The following TBC1D31 variants were observed in gnomAD, a reference collection of about 807,000 sequenced individuals.
The protein encoded by TBC1D31 is TBC1 domain family member 31, also known as WD repeat domain 67.
A neutral mutation model predicts 132.9 loss-of-function variants in TBC1D31; 99 were observed. The observed-to-expected ratio is 0.74, with a 90% CI of 0.63 to 0.88. The LOEUF is 0.88. Among genes scored for constraint, TBC1D31 ranks in the 40% least tolerant of loss-of-function variants. The pLI is 0.00. For synonymous variants in TBC1D31, 385 were observed against 419.4 expected (o/e 0.92, Z 1.00); for missense variants, 1,134 against 1,256.6 (o/e 0.90, Z 1.48).
chr8:123,153,167 C>A (rs1822898577), downstream of TBC1D31, among the ~76,000 whole-genome samples: 1 of 152,094 alleles, frequency 6.6e-6, no homozygotes, highest in African/African-American at 2.4e-5. Flanking sequence ...TGTTTTTTGA[C>A]AACAGGAATC....
Position 123,087,753 on chromosome 8 carries a change from TAAA to T in TBC1D31, c.519+3416_519+3418del, listed in dbSNP as rs373362964. On this transcript the variant is annotated intron_variant, in intron 4 of 21. Transcript: ENST00000287380. ...GCTTGGACATTTAGACATTTTAGTT[TAAA>T]AATTAGGACTGTGGAAAATGTATGT... is the stretch of plus-strand genomic sequence containing the variant. 7.1e-3 allele frequency among the ~76,000 whole-genome samples: 1,082 copies of T among 152,352 alleles called. 11 individuals are homozygous for T. The highest frequency in any genetic ancestry group is 0.024 in the African/African-American group (1,015 of 41,592).
chr8:123,127,404 G>A (rs1236983415), intron 13 of TBC1D31, among the ~76,000 whole-genome samples: 1 of 151,062 alleles, frequency 6.6e-6, no homozygotes, highest in East Asian at 1.9e-4. Flanking sequence ...CCGAGTAGCT[G>A]GGATTACAGG....
At chr8:123,115,621 C>T (rs1818843608) in intron 10 of TBC1D31, among the ~76,000 whole-genome samples, 1 of 152,198 alleles carries the variant, frequency 6.6e-6, no homozygotes, top group Non-Finnish European at 1.5e-5. Context: ...ATCAGAGTGT[C>T]AGCAGGGCCA....
At chr8:123,073,526 T>C in intron 1 of TBC1D31, 1 of 390,428 alleles carries the variant, frequency 2.6e-6, no homozygotes, top group Non-Finnish European at 5.1e-6. Flanking sequence ...CCTGTCCTGT[T>C]TGAGGCTCAG....
the TBC1D31 span, among the ~76,000 whole-genome samples, chr8:123,161,610 G>A: frequency 6.6e-6 from 1 of 152,048 alleles, no homozygotes; most frequent in African/African-American, 2.4e-5. Context: ...CTCTCATAAT[G>A]TTAAGTTGAT....
chr8:123,141,811 C>T (rs1460701105), intron 18 of TBC1D31, among the ~76,000 whole-genome samples: 4 of 146,174 alleles, frequency 2.7e-5, no homozygotes, highest in African/African-American at 1.0e-4. Flanking sequence ...AAGTTCTTAA[C>T]CTTGGCTGTA....
At chr8:123,072,885 A>C (rs1032465209) in intron 1 of TBC1D31, 39 bp downstream of exon 1, 1 of 1,541,694 alleles carries the variant, frequency 6.5e-7, no homozygotes, top group Non-Finnish European at 8.8e-7. Context: ...TGTGGAGGGG[A>C]TGGAGACCGG....
intron 4 of TBC1D31, among the ~76,000 whole-genome samples, chr8:123,092,685 T>C (rs1816444297): frequency 6.6e-6 from 1 of 152,118 alleles, no homozygotes; most frequent in African/African-American, 2.4e-5. Context: ...AGTCTTGCTC[T>C]GTCACCCAGG....
At chr8:123,094,985 T>C (rs1816713603) in intron 5 of TBC1D31, among the ~76,000 whole-genome samples, 1 of 152,266 alleles carries the variant, frequency 6.6e-6, no homozygotes, top group Admixed American at 6.5e-5. Flanking sequence ...TCACAGATTG[T>C]ATTTTGTTGA....
In TBC1D31 at chr8:123,082,775, C is replaced by G; in HGVS notation, c.298C>G (p.Leu100Val). The change falls in exon 3 of 22, where the codon CTT becomes GTT. Residue 100 changes from leucine (L) to valine (V), a missense_variant. Physicochemically the swap from Leu to Val is conservative, Grantham distance 32. Coordinates refer to ENST00000287380, the MANE Select transcript of TBC1D31 (RefSeq NM_145647.4). ...AFNLRRKSEF[L>V]VALADYSIKC... ...TAATCTTCGTAGGAAATCTGAATTCCTTGTGGCATTAGCTGATTATTCTAT... is the reference window on the plus strand; with the variant it reads ...TAATCTTCGTAGGAAATCTGAATTCGTTGTGGCATTAGCTGATTATTCTAT... 1 of 1,613,334 alleles carries G rather than the reference C, an allele frequency of 6.2e-7. No individual in the cohort carries two copies. Among genetic ancestry groups the G allele is most frequent in the Non-Finnish European group, 8.5e-7 (1 of 1,179,868 alleles).
Position 123,080,861 on chromosome 8 carries a change from C to T in TBC1D31, c.225-1841C>T, listed in dbSNP as rs1282018978. On this transcript the variant is annotated intron_variant, in intron 2 of 21. Coordinates refer to ENST00000287380, the MANE Select transcript of TBC1D31 (RefSeq NM_145647.4). ...AGAGCTTTTCTTATATCTGCTTTTT[C>T]TCATTTACCTTTAGCTCAAAGTAAT... Among the ~76,000 whole-genome samples, 6 of 152,168 alleles carry T rather than the reference C, an allele frequency of 3.9e-5. No homozygotes were observed. In the East Asian group the frequency reaches 1.2e-3, roughly 29 times the overall value.
intron 4 of TBC1D31, among the ~76,000 whole-genome samples, chr8:123,092,829 T>TTTTTTTTTTTTA (rs1816468384): frequency 2.1e-5 from 3 of 146,158 alleles, no homozygotes; most frequent in East Asian, 1.9e-4. Flanking sequence ...TTTTTTTTTT[T>TTTTTTTTTTTTA]GAGACGAAGG....
intron 19 of TBC1D31, among the ~76,000 whole-genome samples, chr8:123,143,582 T>C (rs1172736765): frequency 6.6e-6 from 1 of 152,246 alleles, no homozygotes; most frequent in Non-Finnish European, 1.5e-5. Context: ...TCTCTGTTGC[T>C]GTATCACAAT....
At position 123,142,337 on chromosome 8, in the gene TBC1D31, C is replaced by A; in HGVS notation, c.2716C>A (p.Gln906Lys). ...CTGGCAGATTCAGTCTTTACATAAA[C>A]AAAAATGTGATGATCTACAACGAAA... is the stretch of plus-strand genomic sequence containing the variant. ...TDWQIQSLHK[Q>K]KCDDLQRNKC... Residue 906 changes from glutamine to lysine, a missense_variant, in exon 19 of 22, where the codon CAA (glutamine) becomes AAA (lysine). By Grantham distance (53) the Gln-to-Lys change is moderately conservative (BLOSUM62 1). Coordinates refer to ENST00000287380, the MANE Select transcript of TBC1D31 (RefSeq NM_145647.4). 3 of 1,608,650 alleles carry A rather than the reference C, an allele frequency of 1.9e-6. No homozygotes were observed. The highest frequency in any genetic ancestry group is 2.2e-5 in the East Asian group (1 of 44,536).
At chr8:123,108,184 A>C (rs1818119229) in intron 8 of TBC1D31, among the ~76,000 whole-genome samples, 1 of 152,224 alleles carries the variant, frequency 6.6e-6, no homozygotes, top group Admixed American at 6.5e-5. Context: ...TCTTGAGCCA[A>C]GATTTAGCAG....
At chr8:123,129,044 A>T in intron 14 of TBC1D31, 22 bp from the exon 15 acceptor site, 3 of 1,502,332 alleles carry the variant, frequency 2.0e-6, no homozygotes, top group Non-Finnish European at 2.7e-6. Flanking sequence ...TTGTGTTTTC[A>T]TAATAATATT....
intron 10 of TBC1D31, among the ~76,000 whole-genome samples, chr8:123,119,527 A>G (rs1819271841): frequency 6.6e-6 from 1 of 152,182 alleles, no homozygotes. Context: ...CCTGGGTAAT[A>G]TAGTGAGACC....
At chr8:123,116,819 A>G (rs1482188961) in intron 10 of TBC1D31, among the ~76,000 whole-genome samples, 1 of 152,240 alleles carries the variant, frequency 6.6e-6, no homozygotes, top group Non-Finnish European at 1.5e-5. Flanking sequence ...ATAACAATCA[A>G]TTATAACTTG....
At chr8:123,119,970 A>C in intron 10 of TBC1D31, 85 bp from the exon 11 acceptor site, 1 of 1,228,562 alleles carries the variant, frequency 8.1e-7, no homozygotes, top group Non-Finnish European at 1.1e-6. Flanking sequence ...AATTTTCACC[A>C]AATATACTTT....
Sources: gnomAD v4.1 joint callset for allele counts (sites outside exome capture counted in the v4.1 genomes callset) on GRCh38, gnomAD v4.1.1 for gene constraint, MANE v1.5 for transcripts, NCBI Gene and HGNC (gene_info 2026-07-23, HGNC 2026-07-21) for gene names.